The following NYAP2 variants were observed in gnomAD, a reference collection of about 807,000 sequenced individuals.
The protein encoded by NYAP2 is neuronal tyrosine-phosphorylated phosphoinositide-3-kinase adaptor 2, also known as neuronal tyrosine-phosphorylated phosphoinositide-3-kinase adapter 2.
A neutral mutation model predicts 50.4 loss-of-function variants in NYAP2; 23 were observed. That is an observed-to-expected ratio of 0.46 (90% confidence interval 0.33 to 0.65). The LOEUF is 0.65. NYAP2 is among the 30% of genes least tolerant of loss of function. The pLI is 0.02. For synonymous variants in NYAP2, 394 were observed against 365.2 expected (o/e 1.08, Z -0.90); for missense variants, 885 against 861.0 (o/e 1.03, Z -0.35).
intron 4 of NYAP2, among the ~76,000 whole-genome samples, chr2:225,540,866 G>C (rs901491048): frequency 6.6e-6 from 1 of 152,044 alleles, no homozygotes; most frequent in Non-Finnish European, 1.5e-5. Context: ...TCTCCAAAGT[G>C]TTCTCCATAA....
At chr2:225,688,714 T>A in the NYAP2 span, among the ~76,000 whole-genome samples, 1 of 152,184 alleles carries the variant, frequency 6.6e-6, no homozygotes, top group African/African-American at 2.4e-5. Flanking sequence ...TCTTATACTG[T>A]CTCCTCAGAA....
At chr2:225,623,418 C>T (rs1393413875) in intron 5 of NYAP2, among the ~76,000 whole-genome samples, 2 of 152,062 alleles carry the variant, frequency 1.3e-5, no homozygotes, top group African/African-American at 4.8e-5. Context: ...AACTTTTCAG[C>T]CAATCACAGA....
At chr2:225,411,963 CTAAA>C (rs1243510785) in intron 3 of NYAP2, among the ~76,000 whole-genome samples, 3 of 149,360 alleles carry the variant, frequency 2.0e-5, no homozygotes, top group Non-Finnish European at 4.4e-5. Context: ...TTTATTATTT[CTAAA>C]TAAATAATTT....
chr2:225,668,550 A>G, the NYAP2 span, among the ~76,000 whole-genome samples: 1 of 152,160 alleles, frequency 6.6e-6, no homozygotes, highest in Non-Finnish European at 1.5e-5. Flanking sequence ...ATGTCTAAAT[A>G]TATTTGACCT....
At chr2:225,578,416 T>G (rs1692206659) in intron 4 of NYAP2, among the ~76,000 whole-genome samples, 1 of 152,088 alleles carries the variant, frequency 6.6e-6, no homozygotes, top group African/African-American at 2.4e-5. Flanking sequence ...AACTTCAGCT[T>G]GTGGGCTGAA....
intron 3 of NYAP2, among the ~76,000 whole-genome samples, chr2:225,413,943 A>T (rs902428080): frequency 1.3e-5 from 2 of 152,232 alleles, no homozygotes; most frequent in Non-Finnish European, 2.9e-5. Context: ...AGAAACGTGC[A>T]GACTGCCAAG....
At chr2:225,672,005 C>G in the NYAP2 span, among the ~76,000 whole-genome samples, 2 of 151,218 alleles carry the variant, frequency 1.3e-5, no homozygotes, top group Admixed American at 6.6e-5. Context: ...TTTTTCATTT[C>G]TAGAGCACAG....
At chr2:225,692,263 G>C in the NYAP2 span, among the ~76,000 whole-genome samples, 3 of 152,054 alleles carry the variant, frequency 2.0e-5, no homozygotes, top group African/African-American at 7.2e-5. Context: ...GCTTATTTCA[G>C]AGTATTTTCT....
At chr2:225,664,199 C>T in the NYAP2 span, among the ~76,000 whole-genome samples, 37 of 152,196 alleles carry the variant, frequency 2.4e-4, no homozygotes, top group Non-Finnish European at 3.4e-4. Flanking sequence ...AATTGCAAAG[C>T]GAGGGATATA....
At chr2:225,703,244 G>T in the NYAP2 span, 1 of 151,652 alleles carries the variant, frequency 6.6e-6, no homozygotes, top group Non-Finnish European at 1.5e-5. Context: ...ATTTTTAAAA[G>T]ACAGGGTTTT....
Position 225,500,326 on chromosome 2 carries a change from T to C in NYAP2, c.222-13045T>C, listed in dbSNP as rs181001495. ...GTTGCATTCATTATTTAGAAAGACA[T>C]TGAATTATTTTTGAATTGATATGAA... On this transcript the variant is annotated intron_variant, in intron 3 of 6. Coordinates refer to ENST00000636099, the Ensembl canonical transcript of NYAP2. Among the ~76,000 whole-genome samples, 266 of 152,336 alleles carry C rather than the reference T, an allele frequency of 1.7e-3. 2 individuals are homozygous for C. The highest frequency in any genetic ancestry group is 3.2e-3 in the Non-Finnish European group (218 of 68,028).
chr2:225,589,429 G>A (rs1301328547), intron 5 of NYAP2, among the ~76,000 whole-genome samples: 2 of 149,586 alleles, frequency 1.3e-5, no homozygotes, highest in Non-Finnish European at 3.0e-5. Context: ...CAACACTTTG[G>A]GAGGCCAAGG....
chr2:225,401,372 A>G (rs950100889), intron 2 of NYAP2, among the ~76,000 whole-genome samples: 41 of 152,104 alleles, frequency 2.7e-4, no homozygotes, highest in Non-Finnish European at 4.7e-4. Context: ...CAAGTTGTGC[A>G]TGCTAGCTAT....
intron 4 of NYAP2, among the ~76,000 whole-genome samples, chr2:225,577,000 A>G (rs1692179540): frequency 6.9e-6 from 1 of 145,560 alleles, no homozygotes; most frequent in Non-Finnish European, 1.5e-5. Flanking sequence ...CAGATACTAA[A>G]GCATGGTTTT....
Position 225,573,959 on chromosome 2 carries a change from G to A in NYAP2, c.524-7982G>A, listed in dbSNP as rs1692124218. Among the ~76,000 whole-genome samples, 3 of 152,150 alleles carry A rather than the reference G, an allele frequency of 2.0e-5. No homozygotes were observed. In the South Asian group the frequency reaches 6.2e-4, roughly 32 times the overall value. On this transcript the variant is annotated intron_variant, in intron 4 of 6. Coordinates refer to ENST00000636099, the Ensembl canonical transcript of NYAP2. The stretch of plus-strand genomic sequence containing the variant: ...TTGATAGACAGAATGTGTAAAAGCA[G>A]GGAAGGTGTTGAGGGTGGCTATCTT...
intron 4 of NYAP2, among the ~76,000 whole-genome samples, chr2:225,532,669 A>C (rs1372575752): frequency 6.6e-6 from 1 of 152,180 alleles, no homozygotes; most frequent in Non-Finnish European, 1.5e-5. Flanking sequence ...TTAATTTTTA[A>C]ACTTATTTTT....
At chr2:225,568,438 GCTT>G (rs1692001183) in intron 4 of NYAP2, among the ~76,000 whole-genome samples, 1 of 152,008 alleles carries the variant, frequency 6.6e-6, no homozygotes, top group South Asian at 2.1e-4. Flanking sequence ...TCATCATCCT[GCTT>G]CTTCAAGACT....
the NYAP2 span, among the ~76,000 whole-genome samples, chr2:225,690,902 A>T: frequency 1.3e-5 from 2 of 152,262 alleles, no homozygotes; most frequent in East Asian, 3.9e-4. Context: ...CTTCTATCAG[A>T]CAATTCTAAT....
At chr2:225,654,138 A>T (rs1693785866), downstream of NYAP2, 2 of 152,230 alleles carry the variant, frequency 1.3e-5, no homozygotes, top group Admixed American at 1.3e-4. Flanking sequence ...CTAGGACGGC[A>T]CTGCCCTGTG....
Sources: gnomAD v4.1 joint callset for allele counts (sites outside exome capture counted in the v4.1 genomes callset) on GRCh38, gnomAD v4.1.1 for gene constraint, MANE v1.5 for transcripts, NCBI Gene and HGNC (gene_info 2026-07-23, HGNC 2026-07-21) for gene names.